Variants in PGCKA1 observed in about 807,000 individuals in gnomAD.
PGCKA1 encodes PDCD10 and GCKIII kinases associated 1.
chr4:37,485,789 T>C, the PGCKA1 span, among the ~76,000 whole-genome samples: 1 of 152,188 alleles, frequency 6.6e-6, no homozygotes, highest in Non-Finnish European at 1.5e-5. Context: ...GTCAGCTACT[T>C]CCCAAGAAGA....
chr4:37,552,131 C>G, the PGCKA1 span, among the ~76,000 whole-genome samples: 2 of 152,218 alleles, frequency 1.3e-5, no homozygotes. Context: ...TGGCCTAAAC[C>G]TAGTAGTTAA....
At chr4:37,522,752 C>G in the PGCKA1 span, among the ~76,000 whole-genome samples, 4 of 151,992 alleles carry the variant, frequency 2.6e-5, no homozygotes, top group Non-Finnish European at 4.4e-5. Context: ...CCCTTCTGAC[C>G]TGGGATGTCT....
chr4:37,510,361 C>T, the PGCKA1 span, among the ~76,000 whole-genome samples: 1 of 152,034 alleles, frequency 6.6e-6, no homozygotes, highest in Non-Finnish European at 1.5e-5. Flanking sequence ...CTTGGGAAGG[C>T]TTTATAGGTA....
At chr4:37,572,048 C>CTTTT in the PGCKA1 span, among the ~76,000 whole-genome samples, 10 of 111,668 alleles carry the variant, frequency 9.0e-5, no homozygotes, top group Admixed American at 2.1e-4. Flanking sequence ...AACTTCACAC[C>CTTTT]TTTTTTTTTT....
chr4:37,589,938 A>G, the PGCKA1 span: 2 of 735,754 alleles, frequency 2.7e-6, no homozygotes, highest in Non-Finnish European at 2.3e-6. Context: ...TTTTATACCA[A>G]CTATATCTAT....
chr4:37,508,589 CAT>C, the PGCKA1 span, among the ~76,000 whole-genome samples: 2 of 150,758 alleles, frequency 1.3e-5, no homozygotes, highest in East Asian at 3.9e-4. Flanking sequence ...CATCCACAGA[CAT>C]ATAATTATCT....
chr4:37,472,004 G>T, the PGCKA1 span, among the ~76,000 whole-genome samples: 2 of 152,124 alleles, frequency 1.3e-5, no homozygotes, highest in African/African-American at 4.8e-5. Context: ...TGATTAATAT[G>T]TATGGCTACC....
At chr4:37,489,918 A>C in the PGCKA1 span, among the ~76,000 whole-genome samples, 13 of 152,108 alleles carry the variant, frequency 8.5e-5, no homozygotes, top group Non-Finnish European at 1.9e-4. Context: ...AACGCATAAT[A>C]TGTTCTTTGA....
At chr4:37,475,420 A>G in the PGCKA1 span, among the ~76,000 whole-genome samples, 111,652 of 151,978 alleles carry the variant, frequency 0.73, 41,284 homozygotes, top group East Asian at 0.78. Flanking sequence ...ACAGGCTGCC[A>G]GGTACAAGCT....
the PGCKA1 span, among the ~76,000 whole-genome samples, chr4:37,485,428 C>T: frequency 6.6e-6 from 1 of 152,240 alleles, no homozygotes; most frequent in South Asian, 2.1e-4. Context: ...TGGCTCCCTT[C>T]CCTTCTCTGT....
At chr4:37,509,835 C>G in the PGCKA1 span, among the ~76,000 whole-genome samples, 1 of 151,786 alleles carries the variant, frequency 6.6e-6, no homozygotes, top group East Asian at 1.9e-4. Context: ...TGGCGGCGCG[C>G]GCCTGCAATC....
At chr4:37,544,840 T>G in the PGCKA1 span, among the ~76,000 whole-genome samples, 2 of 149,504 alleles carry the variant, frequency 1.3e-5, no homozygotes, top group Non-Finnish European at 3.0e-5. Context: ...TTCTTTTTTG[T>G]TTTTTTTTCT....
the PGCKA1 span, among the ~76,000 whole-genome samples, chr4:37,486,222 ACTCCT>A: frequency 3.3e-5 from 5 of 151,822 alleles, no homozygotes; most frequent in African/African-American, 1.2e-4. Context: ...AAAGCCTCTA[ACTCCT>A]ACTCTTAGGT....
chr4:37,480,539 A>T, the PGCKA1 span, among the ~76,000 whole-genome samples: 1 of 152,252 alleles, frequency 6.6e-6, no homozygotes, highest in African/African-American at 2.4e-5. Context: ...GCTCCTAGCC[A>T]ATGCGGTCAG....
the PGCKA1 span, among the ~76,000 whole-genome samples, chr4:37,560,843 TCA>T: frequency 6.6e-6 from 1 of 152,156 alleles, no homozygotes. Flanking sequence ...TCTACTATTC[TCA>T]GTTTCTTTCA....
At chr4:37,479,747 T>A in the PGCKA1 span, among the ~76,000 whole-genome samples, 2 of 152,106 alleles carry the variant, frequency 1.3e-5, no homozygotes, top group Admixed American at 6.5e-5. Context: ...CTTGAAGGAA[T>A]GGGTAGAAAT....
chr4:37,455,340 T>C, the PGCKA1 span, among the ~76,000 whole-genome samples: 1 of 152,284 alleles, frequency 6.6e-6, no homozygotes, highest in East Asian at 1.9e-4. Flanking sequence ...ATTGAAACAA[T>C]TTGAAGCTCA....
At chr4:37,477,310 G>T in the PGCKA1 span, among the ~76,000 whole-genome samples, 35 of 152,166 alleles carry the variant, frequency 2.3e-4, no homozygotes, top group Non-Finnish European at 5.1e-4. Flanking sequence ...GCTGCATATT[G>T]TATGATTCCA....
chr4:37,508,013 G>GAGGAA, the PGCKA1 span, among the ~76,000 whole-genome samples: 1 of 152,086 alleles, frequency 6.6e-6, no homozygotes, highest in Non-Finnish European at 1.5e-5. Context: ...CTCTCTCCTA[G>GAGGAA]CCTGTGAAGT....
Sources: gnomAD v4.1 joint callset for allele counts (sites outside exome capture counted in the v4.1 genomes callset) on GRCh38, gnomAD v4.1.1 for gene constraint, MANE v1.5 for transcripts, NCBI Gene and HGNC (gene_info 2026-07-23, HGNC 2026-07-21) for gene names.